Variants in PCSK5 observed in about 807,000 individuals in gnomAD.
PCSK5 encodes proprotein convertase subtilisin/kexin type 5.
Under a neutral mutation model 233.2 loss-of-function variants are expected in PCSK5, and 129 were observed. That is an observed-to-expected ratio of 0.55 (90% CI 0.48 to 0.64). The LOEUF is 0.64. PCSK5 is among the 30% of genes least tolerant of loss of function. The pLI is 0.00. For synonymous variants in PCSK5, 825 were observed against 879.2 expected (o/e 0.94, Z 1.09); for missense variants, 2,076 against 2,430.1 (o/e 0.85, Z 3.06).
At chr9:76,083,693 T>C (rs975992781) in intron 7 of PCSK5, among the ~76,000 whole-genome samples, 1 of 152,232 alleles carries the variant, frequency 6.6e-6, no homozygotes, top group Non-Finnish European at 1.5e-5. Flanking sequence ...ATTCACCAGA[T>C]TTAAAAACTG....
rs749185364 is a variant in PCSK5, at chr9:76,227,545, C to T, written c.2669C>T (p.Ala890Val). Residue 890 changes from alanine to valine, a missense_variant, in exon 21 of 38, where the codon GCC (alanine) becomes GTC (valine). Transcript: ENST00000674117. The part of the protein sequence containing the change: ...DEHGHCQTCE[A>V]SCAKCQGPTQ... ...CATGGCCACTGCCAGACCTGTGAGG[C>T]CTCATGTGCCAAGTGCCAGGGACCA... The T allele has an allele frequency of 4.3e-6, 7 of 1,612,188 alleles. No individual in the cohort carries two copies. The highest frequency in any genetic ancestry group is 5.1e-6 in the Non-Finnish European group (6 of 1,179,596).
chr9:75,971,265 G>C (rs1351904830), intron 2 of PCSK5, among the ~76,000 whole-genome samples: 1 of 152,108 alleles, frequency 6.6e-6, no homozygotes, highest in Non-Finnish European at 1.5e-5. Context: ...ACATGATTTT[G>C]TTCTTTTTTA....
chr9:75,991,965 A>G (rs2131405325), intron 3 of PCSK5, among the ~76,000 whole-genome samples: 1 of 152,238 alleles, frequency 6.6e-6, no homozygotes, highest in South Asian at 2.1e-4. Context: ...GCTTGGTGGC[A>G]TATACCTGTA....
intron 9 of PCSK5, among the ~76,000 whole-genome samples, chr9:76,118,712 A>C (rs1433767076): frequency 6.6e-6 from 1 of 151,922 alleles, no homozygotes; most frequent in East Asian, 1.9e-4. Flanking sequence ...ATATAAATTT[A>C]AATTATATTA....
intron 20 of PCSK5, among the ~76,000 whole-genome samples, chr9:76,205,406 GA>G (rs963607768): frequency 1.3e-5 from 2 of 151,950 alleles, no homozygotes; most frequent in East Asian, 1.9e-4. Flanking sequence ...GTCTGTGCCA[GA>G]AAAAAAACTG....
chr9:76,310,824 A>T lies in PCSK5; in HGVS notation c.3857A>T (p.Glu1286Val). The T allele has an allele frequency of 6.2e-7, 1 of 1,607,408 alleles. No homozygotes were observed. Among genetic ancestry groups the T allele is most frequent in the Non-Finnish European group, 8.5e-7 (1 of 1,177,936 alleles). The part of the protein sequence containing the change: ...MQPGHPLFLH[E>V]GRCYSKCPEG... ...CCGGGCCACCCTCTCTTCCTCCATGAAGGCAGGTGCTACTCCAAGTGCCCG... is the reference window on the plus strand; with the variant it reads ...CCGGGCCACCCTCTCTTCCTCCATGTAGGCAGGTGCTACTCCAAGTGCCCG... Residue 1286 changes from glutamate (E) to valine (V), a missense_variant, in exon 30 of 38, where the codon GAA (glutamate) becomes GTA (valine). Physicochemically the swap from Glu to Val is moderately radical, Grantham distance 121. Coordinates refer to ENST00000674117, the MANE Select transcript of PCSK5 (RefSeq NM_001372043.1).
chr9:76,234,839 G>A (rs1564125980), intron 22 of PCSK5, among the ~76,000 whole-genome samples: 1 of 152,086 alleles, frequency 6.6e-6, no homozygotes, highest in Admixed American at 6.6e-5. Flanking sequence ...TTAGTCTTTT[G>A]AGCATTTGAG....
At chr9:76,325,420 A>T (rs750672372) in intron 32 of PCSK5, among the ~76,000 whole-genome samples, 4 of 152,150 alleles carry the variant, frequency 2.6e-5, no homozygotes, top group Non-Finnish European at 5.9e-5. Flanking sequence ...AGCTCTTAAA[A>T]CCACAGATGC....
intron 1 of PCSK5, among the ~76,000 whole-genome samples, chr9:75,921,976 A>C (rs1323555745): frequency 6.6e-6 from 1 of 152,226 alleles, no homozygotes; most frequent in African/African-American, 2.4e-5. Context: ...TAGAGGACAT[A>C]GGTTTCAAAC....
At chr9:76,205,041 G>T (rs945248725) in intron 20 of PCSK5, 5 of 505,908 alleles carry the variant, frequency 9.9e-6, no homozygotes, top group African/African-American at 1.9e-5. Flanking sequence ...AGTCTAAGGG[G>T]TTATATAACT....
At chr9:76,150,004 T>C (rs1363943155) in intron 10 of PCSK5, among the ~76,000 whole-genome samples, 1 of 152,232 alleles carries the variant, frequency 6.6e-6, no homozygotes, top group Non-Finnish European at 1.5e-5. Context: ...TATGTTTCTG[T>C]ATGTTCATAC....
intron 14 of PCSK5, among the ~76,000 whole-genome samples, chr9:76,177,649 A>G (rs1246709256): frequency 1.3e-5 from 2 of 152,210 alleles, no homozygotes; most frequent in African/African-American, 4.8e-5. Context: ...CAAAAAACAT[A>G]AATAGAGTAT....
At chr9:76,064,047 G>C (rs1197687756) in intron 5 of PCSK5, among the ~76,000 whole-genome samples, 1 of 103,298 alleles carries the variant, frequency 9.7e-6, no homozygotes, top group Non-Finnish European at 1.9e-5. Flanking sequence ...GCAGCTGGCC[G>C]GGCAGAGGGG....
Position 76,328,031 on chromosome 9 carries a change from C to CT in PCSK5, c.4363dup (p.Cys1455LeufsTer36), listed in dbSNP as rs1240936231. ...CAGATTGCCACAAGTCCTGCTTGAC[C>CT]TGCTCATCATCTGGGACCTGCACCA... On this transcript the variant is annotated frameshift_variant, in exon 33 of 38. Transcript: ENST00000674117. LOFTEE classifies it high-confidence loss of function. 1.2e-6 allele frequency: 2 copies of CT among 1,612,264 alleles called. No homozygotes were observed. Among genetic ancestry groups the CT allele is most frequent in the Non-Finnish European group, 1.7e-6 (2 of 1,179,438 alleles).
intron 20 of PCSK5, among the ~76,000 whole-genome samples, chr9:76,203,282 CA>C (rs1472685546): frequency 6.6e-6 from 1 of 152,026 alleles, no homozygotes; most frequent in Admixed American, 6.6e-5. Flanking sequence ...CCAGCAGCAG[CA>C]ATAAGCGGCC....
chr9:75,924,408 A>G (rs896228013), intron 1 of PCSK5, among the ~76,000 whole-genome samples: 2 of 152,224 alleles, frequency 1.3e-5, no homozygotes, highest in African/African-American at 2.4e-5. Flanking sequence ...GCCTGATGCA[A>G]TAGCATTTAC....
intron 3 of PCSK5, among the ~76,000 whole-genome samples, chr9:75,992,580 C>A (rs1826814966): frequency 6.6e-6 from 1 of 152,046 alleles, no homozygotes; most frequent in South Asian, 2.1e-4. Context: ...AATACACACA[C>A]ACACACACAT....
At chr9:75,937,503 G>A (rs1587388659) in intron 2 of PCSK5, among the ~76,000 whole-genome samples, 1 of 152,084 alleles carries the variant, frequency 6.6e-6, no homozygotes, top group East Asian at 1.9e-4. Flanking sequence ...ATTCTTAAGG[G>A]CCCTAGGATT....
chr9:76,192,906 T>C (rs1824478395), intron 20 of PCSK5, among the ~76,000 whole-genome samples: 1 of 152,164 alleles, frequency 6.6e-6, no homozygotes, highest in South Asian at 2.1e-4. Context: ...CTGTATACTC[T>C]CTGCTCTAGG....
Sources: allele counts gnomAD v4.1 joint callset (sites outside exome capture counted in the v4.1 genomes callset), GRCh38; gene constraint gnomAD v4.1.1; transcripts MANE v1.5; gene names NCBI Gene and HGNC (gene_info 2026-07-23, HGNC 2026-07-21).